Variants in PALM2AKAP2 observed in about 807,000 individuals in gnomAD.
The protein encoded by PALM2AKAP2 is PALM2-AKAP2 fusion protein.
Under a neutral mutation model 71.5 loss-of-function variants are expected in PALM2AKAP2, and 37 were observed. The observed-to-expected ratio is 0.52, with a 90% CI of 0.40 to 0.68. The LOEUF (loss-of-function observed/expected upper bound fraction) is 0.68, where lower values mean the gene tolerates loss of function less well. PALM2AKAP2 is among the 30% of genes least tolerant of loss of function. The probability of loss-of-function intolerance (pLI) is 0.00; values close to 1 mark genes in which losing one functional copy is unlikely to be tolerated. For missense variants in PALM2AKAP2, 1,224 were observed against 1,191.8 expected (o/e 1.03, Z -0.40); for synonymous variants, 468 against 478.8 (o/e 0.98, Z 0.29).
At chr9:110,142,513 G>C (rs1836059724) in intron 2 of PALM2AKAP2, among the ~76,000 whole-genome samples, 1 of 152,186 alleles carries the variant, frequency 6.6e-6, no homozygotes, top group South Asian at 2.1e-4. Context: ...TTCAGTAAGA[G>C]AAACAACATT....
At position 109,682,654 on chromosome 9, in the gene PALM2AKAP2, T is replaced by G. The variant is rs140520254; in HGVS notation, c.5+41788T>G. ...TTTAGGGCACTTGACCTTTTATTTT[T>G]TTGGAGTACCTTATGTTGCACAATA... is the stretch of plus-strand genomic sequence containing the variant. On this transcript the variant is annotated intron_variant, in intron 1 of 6. Transcript: ENST00000374531. Among the ~76,000 whole-genome samples the G allele has an allele frequency of 1.2e-3, 179 of 152,324 alleles. 1 individual carries two copies. Among genetic ancestry groups the G allele is most frequent in the African/African-American group, 4.0e-3 (168 of 41,574 alleles).
intron 1 of PALM2AKAP2, among the ~76,000 whole-genome samples, chr9:109,644,973 G>A (rs931574501): frequency 2.6e-5 from 4 of 152,150 alleles, no homozygotes; most frequent in Non-Finnish European, 4.4e-5. Context: ...CTTCTTCTGA[G>A]CCCTCCAAAC....
intron 6 of PALM2AKAP2, among the ~76,000 whole-genome samples, chr9:110,005,491 G>C (rs999850800): frequency 2.6e-5 from 4 of 152,330 alleles, no homozygotes; most frequent in Middle Eastern, 3.4e-3. Context: ...ACTTGAGGAG[G>C]CAGTCTGTCC....
chr9:109,997,430 C>T (rs1430419391), intron 6 of PALM2AKAP2, among the ~76,000 whole-genome samples: 5 of 152,108 alleles, frequency 3.3e-5, no homozygotes, highest in Admixed American at 6.5e-5. Context: ...ATTGCAGCCC[C>T]GCTGGCAAAC....
At chr9:109,796,874 G>T (rs1450027631) in intron 1 of PALM2AKAP2, among the ~76,000 whole-genome samples, 2 of 152,194 alleles carry the variant, frequency 1.3e-5, no homozygotes, top group African/African-American at 2.4e-5. Flanking sequence ...TGAGATGTGG[G>T]TGGGGACACA....
intron 6 of PALM2AKAP2, among the ~76,000 whole-genome samples, chr9:109,949,651 A>C (rs1333633075): frequency 1.3e-5 from 2 of 152,230 alleles, no homozygotes; most frequent in African/African-American, 4.8e-5. Flanking sequence ...TTGGCCTTGC[A>C]CTGCCATTAC....
intron 1 of PALM2AKAP2, among the ~76,000 whole-genome samples, chr9:110,119,340 TCAAAA>T (rs1460427556): frequency 1.2e-5 from 1 of 84,800 alleles, no homozygotes; most frequent in Non-Finnish European, 2.2e-5. Flanking sequence ...AGACTCCATC[TCAAAA>T]AAAAAAAAAA....
chr9:109,869,477 C>T (rs1422189351), intron 2 of PALM2AKAP2, among the ~76,000 whole-genome samples: 2 of 150,536 alleles, frequency 1.3e-5, no homozygotes, highest in Admixed American at 6.7e-5. Context: ...TACAAATGCC[C>T]GCCACCACGC....
intron 1 of PALM2AKAP2, among the ~76,000 whole-genome samples, chr9:109,826,085 G>A (rs1480500500): frequency 2.0e-5 from 3 of 152,070 alleles, no homozygotes; most frequent in Non-Finnish European, 2.9e-5. Context: ...GAAGCTGGAA[G>A]CCATCATTCT....
chr9:110,004,659 AG>A (rs1393172710), intron 6 of PALM2AKAP2, among the ~76,000 whole-genome samples: 2 of 152,180 alleles, frequency 1.3e-5, no homozygotes, highest in Admixed American at 1.3e-4. Context: ...TGTCACTTTC[AG>A]GTACACCAAT....
chr9:109,657,942 G>GTGTGTGTT (rs1001675398), intron 1 of PALM2AKAP2, among the ~76,000 whole-genome samples: 2 of 105,380 alleles, frequency 1.9e-5, no homozygotes, highest in African/African-American at 7.5e-5. Context: ...GTGTGTTTGT[G>GTGTGTGTT]TGTGTGTGTG....
At chr9:109,762,861 G>C (rs188333196) in intron 1 of PALM2AKAP2, among the ~76,000 whole-genome samples, 3 of 152,182 alleles carry the variant, frequency 2.0e-5, no homozygotes, top group South Asian at 2.1e-4. Flanking sequence ...CATTCCCCAG[G>C]GGGTGGAGGG....
intron 1 of PALM2AKAP2, among the ~76,000 whole-genome samples, chr9:109,738,306 C>G (rs2475431): frequency 0.15 from 22,342 of 152,154 alleles, 2,061 homozygotes; most frequent in Non-Finnish European, 0.21. Context: ...TTTGGAGAAA[C>G]GACAGCTGCC....
At chr9:110,126,737 TC>T (rs1467389136) in intron 1 of PALM2AKAP2, among the ~76,000 whole-genome samples, 1 of 152,166 alleles carries the variant, frequency 6.6e-6, no homozygotes, top group Non-Finnish European at 1.5e-5. Context: ...TTCCTTCCTT[TC>T]CTCCCCTCCC....
In PALM2AKAP2 at chr9:109,834,495, G is replaced by T. The variant is rs367920404; in HGVS notation, c.46-32996G>T. 4.1e-4 allele frequency among the ~76,000 whole-genome samples: 63 copies of T among 152,320 alleles called. No homozygotes were observed. The South Asian group carries it at 0.013, about 31-fold the overall frequency. ...GCACTTCCCAATCATCATGTATTGG[G>T]ATGTGAAGTTGTGTGGAGTCTGAGG... On this transcript the variant is annotated intron_variant, in intron 1 of 9. Coordinates refer to the PALM2AKAP2 transcript ENST00000302798.
intron 1 of PALM2AKAP2, among the ~76,000 whole-genome samples, chr9:109,782,132 A>G (rs1406377587): frequency 1.1e-4 from 16 of 152,238 alleles, no homozygotes; most frequent in Admixed American, 9.8e-4. Context: ...CTTTCCAAAC[A>G]TGGAGCCAGT....
chr9:110,101,939 G>A (rs374224257), intron 1 of PALM2AKAP2, among the ~76,000 whole-genome samples: 10 of 152,300 alleles, frequency 6.6e-5, no homozygotes, highest in South Asian at 4.1e-4. Context: ...CCACCAATGC[G>A]TCTACCACCA....
intron 1 of PALM2AKAP2, among the ~76,000 whole-genome samples, chr9:109,702,603 G>C (rs1828078930): frequency 7.2e-6 from 1 of 138,658 alleles, no homozygotes; most frequent in Non-Finnish European, 1.6e-5. Flanking sequence ...GGGGGTGGGG[G>C]TAGGGGGGAG....
At chr9:110,130,731 C>G (rs958336298) in intron 1 of PALM2AKAP2, among the ~76,000 whole-genome samples, 24 of 152,296 alleles carry the variant, frequency 1.6e-4, no homozygotes, top group African/African-American at 5.8e-4. Context: ...TCCCCTGAGC[C>G]AAAGGCTAGA....
Sources: allele counts gnomAD v4.1 joint callset (sites outside exome capture counted in the v4.1 genomes callset), GRCh38; gene constraint gnomAD v4.1.1; transcripts MANE v1.5; gene names NCBI Gene and HGNC (gene_info 2026-07-23, HGNC 2026-07-21).